Variants in KALRN observed in about 807,000 individuals in gnomAD.
KALRN encodes the protein kalirin RhoGEF kinase, also known as kalirin.
KALRN carries 70 observed loss-of-function variants against 353.7 expected under a neutral mutation model. The observed-to-expected ratio is 0.20, with a 90% CI of 0.16 to 0.24. The LOEUF is 0.24. KALRN is among the 10% of genes least tolerant of loss of function. KALRN has a pLI of 1.00. For missense variants in KALRN, 2,791 were observed against 3,756.7 expected, an observed-to-expected ratio of 0.74 and a Z score of 6.72; for synonymous variants, 1,391 against 1,434.8, an observed-to-expected ratio of 0.97 and a Z score of 0.69.
rs2083331218 is a variant in KALRN at position 124,650,828 on chromosome 3, C to T, written c.5685C>T (p.Tyr1895=). 3 of 1,613,752 alleles carry T rather than the reference C, an allele frequency of 1.9e-6. No individual in the cohort carries two copies. The highest frequency in any genetic ancestry group is 3.3e-5 in the Admixed American group (2 of 60,024). The change falls in exon 38 of 60, where the codon TAC becomes TAT. Residue 1895 remains tyrosine (Y), a synonymous_variant. Transcript: ENST00000682506. ...TTCAGAGTCTAGAAGGAAGCTCATACCGGGGGAGCTTGAAAGACCCTGCAG... is the reference window on the plus strand; with the variant it reads ...TTCAGAGTCTAGAAGGAAGCTCATATCGGGGGAGCTTGAAAGACCCTGCAG... ...KNKLSLEGSS[Y]RGSLKDPAGC... is the part of the protein sequence containing the mutation.
chr3:124,370,329 AT>A (rs1192055455), intron 10 of KALRN, among the ~76,000 whole-genome samples: 8 of 152,224 alleles, frequency 5.3e-5, no homozygotes, highest in Non-Finnish European at 8.8e-5. Flanking sequence ...CAAAAAAAAA[AT>A]AACCGTATTT....
intron 44 of KALRN, 89 bp downstream of exon 44, chr3:124,661,062 G>A (rs1204177113): frequency 1.5e-5 from 15 of 981,114 alleles, no homozygotes; most frequent in East Asian, 7.3e-5. Flanking sequence ...CAGGAGGACC[G>A]TGGATCCAGG....
At chr3:124,598,320 T>G (rs2076458367) in intron 34 of KALRN, among the ~76,000 whole-genome samples, 1 of 152,134 alleles carries the variant, frequency 6.6e-6, no homozygotes, top group African/African-American at 2.4e-5. Context: ...TCGGAAGACT[T>G]TCTTGAGACA....
At chr3:124,614,440 T>C (rs2078338563) in intron 34 of KALRN, among the ~76,000 whole-genome samples, 1 of 151,818 alleles carries the variant, frequency 6.6e-6, no homozygotes, top group Non-Finnish European at 1.5e-5. Context: ...GACTAATTTT[T>C]ACAGAAACAG....
At chr3:124,646,064 A>G (rs964084282) in intron 37 of KALRN, among the ~76,000 whole-genome samples, 2 of 152,064 alleles carry the variant, frequency 1.3e-5, no homozygotes, top group East Asian at 3.9e-4. Flanking sequence ...CCATCCTAAC[A>G]GTTGTGATAT....
chr3:124,179,032 A>G (rs28786671), intron 1 of KALRN, among the ~76,000 whole-genome samples: 42,461 of 152,034 alleles, frequency 0.28, 6,536 homozygotes, highest in East Asian at 0.49. Flanking sequence ...GCTTGAGCCC[A>G]GGAGTTCAAG....
chr3:124,725,091 G>C lies in KALRN; in HGVS notation c.*5621G>C. ...AGGCTTAGTTTAACCAAGCTAATTT[G>C]TTGGCCCAGGGATGGCCATCATATG... On this transcript the variant is annotated 3_prime_UTR_variant, in exon 60 of 60. Coordinates refer to ENST00000682506, the MANE Select transcript of KALRN (RefSeq NM_001388419.1). 6.6e-6 allele frequency: 1 copy of C among 152,302 alleles called. No homozygotes were observed. The highest frequency in any genetic ancestry group is 3.4e-3 in the Middle Eastern group (1 of 294). 9.4% of individuals were successfully genotyped at this position (152,302 alleles called of 1,614,324 possible).
At chr3:124,569,918 A>G (rs1159602370) in intron 34 of KALRN, among the ~76,000 whole-genome samples, 2 of 152,086 alleles carry the variant, frequency 1.3e-5, no homozygotes, top group Non-Finnish European at 2.9e-5. Flanking sequence ...GAGCAGAATG[A>G]CTCCAAGGAG....
intron 34 of KALRN, among the ~76,000 whole-genome samples, chr3:124,615,678 G>A (rs1341870540): frequency 6.6e-6 from 1 of 152,228 alleles, no homozygotes; most frequent in African/African-American, 2.4e-5. Context: ...ACTGGTGCCA[G>A]TGGGATCATA....
intron 25 of KALRN, among the ~76,000 whole-genome samples, chr3:124,466,947 C>G (rs771932693): frequency 6.6e-6 from 1 of 152,184 alleles, no homozygotes; most frequent in African/African-American, 2.4e-5. Flanking sequence ...ATTCTTGTGC[C>G]ACACCCCTAC....
At chr3:124,657,845 G>A (rs759768573) in intron 41 of KALRN, 42 bp downstream of exon 41, 4 of 1,333,354 alleles carry the variant, frequency 3.0e-6, no homozygotes, top group Non-Finnish European at 4.3e-6. Context: ...CCTTCACTAG[G>A]CTCATTTATA....
At chr3:124,714,090 A>G (rs1401336982) in intron 58 of KALRN, among the ~76,000 whole-genome samples, 1 of 150,814 alleles carries the variant, frequency 6.6e-6, no homozygotes. Context: ...AAAAAAACAG[A>G]GGGGACAAAC....
chr3:124,333,055 T>C (rs1412752231), intron 8 of KALRN, among the ~76,000 whole-genome samples: 2 of 152,118 alleles, frequency 1.3e-5, no homozygotes, highest in Admixed American at 1.3e-4. Flanking sequence ...AGGAGCAAAG[T>C]CATGTCTTAC....
At position 124,719,661 on chromosome 3, in the gene KALRN, C is replaced by T; in HGVS notation, c.*191C>T. 1.7e-6 allele frequency: 1 copy of T among 583,698 alleles called. No homozygotes were observed. The highest frequency in any genetic ancestry group is 2.4e-5 in the South Asian group (1 of 42,526). 36.2% of individuals were successfully genotyped at this position (583,698 alleles called of 1,614,324 possible). A position where few individuals can be genotyped will look rare whatever the true frequency, so the allele number is the denominator to read the frequency against. On this transcript the variant is annotated 3_prime_UTR_variant, in exon 60 of 60. Coordinates refer to ENST00000682506, the MANE Select transcript of KALRN (RefSeq NM_001388419.1). The surrounding 1 kb of genome is among the most constrained non-coding windows in gnomAD (Gnocchi z 5.3). Reference sequence around the variant, plus strand: ...GTAAAAGTCACCCTAAATCAAGGGGCTTTTCAGAAGGTCATTCTGAAGAAA... The same window carrying T: ...GTAAAAGTCACCCTAAATCAAGGGGTTTTTCAGAAGGTCATTCTGAAGAAA...
At chr3:124,397,763 A>AC (rs1047220036) in intron 12 of KALRN, among the ~76,000 whole-genome samples, 4 of 152,010 alleles carry the variant, frequency 2.6e-5, no homozygotes, top group African/African-American at 9.7e-5. Flanking sequence ...AGGAGGCTGC[A>AC]CCCCCTCCTA....
At chr3:124,608,937 G>T (rs142974061) in intron 34 of KALRN, among the ~76,000 whole-genome samples, 1 of 152,128 alleles carries the variant, frequency 6.6e-6, no homozygotes, top group Admixed American at 6.5e-5. Flanking sequence ...TTTCTTGAGC[G>T]CTGGGAGCCT....
intron 13 of KALRN, among the ~76,000 whole-genome samples, chr3:124,412,797 C>T (rs1408564555): frequency 1.3e-5 from 2 of 152,184 alleles, no homozygotes; most frequent in Non-Finnish European, 2.9e-5. Context: ...TTTGTTTAGT[C>T]ACTATTTTTA....
In KALRN at chr3:124,036,831, G is replaced by T. The variant is rs1007118275; in HGVS notation, c.73+3018G>T. Among the ~76,000 whole-genome samples the T allele has an allele frequency of 4.6e-5, 7 of 152,264 alleles. No homozygotes were observed. In the East Asian group the frequency reaches 1.2e-3, roughly 25 times the overall value. ...ATGTTTCAAATTATTCTGTCATTTT[G>T]GTTCCTTGTTTGTCCTCTTCTGATC... On this transcript the variant is annotated intron_variant, in intron 1 of 59. Coordinates refer to ENST00000682506, the MANE Select transcript of KALRN (RefSeq NM_001388419.1).
intron 1 of KALRN, among the ~76,000 whole-genome samples, chr3:124,195,358 G>A (rs2150347007): frequency 6.6e-6 from 1 of 152,264 alleles, no homozygotes; most frequent in South Asian, 2.1e-4. Flanking sequence ...CAGCTCCTGT[G>A]TTGGAAGGAT....
Sources: allele counts gnomAD v4.1 joint callset (sites outside exome capture counted in the v4.1 genomes callset), GRCh38; gene constraint gnomAD v4.1.1; non-coding constraint Gnocchi (gnomAD v3.1); transcripts MANE v1.5; gene names NCBI Gene and HGNC (gene_info 2026-07-23, HGNC 2026-07-21).